Variants in CHODL observed in about 807,000 individuals in gnomAD.
CHODL encodes the protein chondrolectin.
In CHODL, 29 loss-of-function variants were observed where a neutral mutation model predicts 34.5. That is an observed-to-expected ratio of 0.84 (90% confidence interval 0.63 to 1.15). The LOEUF is 1.15. Ranked by LOEUF, CHODL falls within the 50% of genes most tolerant of loss-of-function variation. The probability of loss-of-function intolerance (pLI) is 0.00; values close to 1 mark genes in which losing one functional copy is unlikely to be tolerated. For missense variants in CHODL, 332 were observed against 332.5 expected, an observed-to-expected ratio of 1.00 and a Z score of 0.01; for synonymous variants, 125 against 116.1, an observed-to-expected ratio of 1.08 and a Z score of -0.49.
intron 1 of CHODL, among the ~76,000 whole-genome samples, chr21:17,962,185 T>C (rs1055552452): frequency 9.2e-5 from 14 of 152,230 alleles, no homozygotes; most frequent in African/African-American, 3.1e-4. Flanking sequence ...CTCAAACATA[T>C]GGAATCAAGA....
Position 18,245,238 on chromosome 21 carries a change from C to G in CHODL, c.15C>G (p.Val5=). The change falls in exon 1 of 6, where the codon GTC becomes GTG. Residue 5 remains valine, a synonymous_variant. Coordinates refer to ENST00000299295, the MANE Select transcript of CHODL (RefSeq NM_024944.3). The part of the protein sequence containing the change: MSRV[V]SLLLGAALLC... ...ACCGCGCCGCGATGAGCCGCGTGGT[C>G]TCGCTGCTGCTGGGCGCCGCGCTGC... is the stretch of plus-strand genomic sequence containing the variant. 8 of 1,518,568 alleles carry G rather than the reference C, an allele frequency of 5.3e-6. No individual in the cohort carries two copies. Among genetic ancestry groups the G allele is most frequent in the Non-Finnish European group, 7.0e-6 (8 of 1,140,170 alleles). The allele number at this position is 1,518,568 out of a possible 1,614,324, so 94.1% of individuals were successfully genotyped here. A position where few individuals can be genotyped will look rare whatever the true frequency, so the allele number is the denominator to read the frequency against.
At chr21:18,218,520 A>T (rs1433249581) in intron 2 of CHODL, among the ~76,000 whole-genome samples, 1 of 152,138 alleles carries the variant, frequency 6.6e-6, no homozygotes, top group African/African-American at 2.4e-5. Flanking sequence ...ATGATGAGAG[A>T]GGCTGCCACA....
intron 2 of CHODL, among the ~76,000 whole-genome samples, chr21:18,060,507 G>A (rs2064647818): frequency 6.6e-6 from 1 of 151,562 alleles, no homozygotes; most frequent in Admixed American, 6.6e-5. Context: ...CCTTAATCTA[G>A]AGGTAGTGAT....
Position 18,195,407 on chromosome 21 carries a change from T to G in CHODL, c.-44-61102T>G, listed in dbSNP as rs944678324. 2.0e-5 allele frequency among the ~76,000 whole-genome samples: 3 copies of G among 152,128 alleles called. No individual in the cohort carries two copies. The East Asian group carries it at 5.8e-4, about 29-fold the overall frequency. Reference sequence around the variant, plus strand: ...ATGCTATATAGTAGATCTCCTGAACTCATTTCTCCTTTCTAACTGAAACTT... The same window carrying G: ...ATGCTATATAGTAGATCTCCTGAACGCATTTCTCCTTTCTAACTGAAACTT... On this transcript the variant is annotated intron_variant, in intron 2 of 6. Transcript: ENST00000400127.
chr21:18,181,516 C>G (rs1022166912), intron 2 of CHODL, among the ~76,000 whole-genome samples: 3 of 152,210 alleles, frequency 2.0e-5, no homozygotes, highest in Non-Finnish European at 4.4e-5. Flanking sequence ...CATTCTCCTG[C>G]CTCAGCCTCC....
intron 2 of CHODL, among the ~76,000 whole-genome samples, chr21:18,116,917 A>C (rs2065420234): frequency 6.6e-6 from 1 of 152,190 alleles, no homozygotes; most frequent in African/African-American, 2.4e-5. Context: ...AACAAGTTGG[A>C]GCACCAAGGG....
intron 1 of CHODL, among the ~76,000 whole-genome samples, chr21:18,249,043 T>TATAA (rs1819994178): frequency 8.5e-6 from 1 of 117,872 alleles, no homozygotes; most frequent in African/African-American, 3.6e-5. Flanking sequence ...ATATATAATA[T>TATAA]TATATATATT....
intron 2 of CHODL, among the ~76,000 whole-genome samples, chr21:18,145,646 G>A (rs1256480330): frequency 6.6e-6 from 1 of 152,092 alleles, no homozygotes; most frequent in Non-Finnish European, 1.5e-5. Context: ...TTGATATCCT[G>A]TCAAGTGTTT....
chr21:17,984,504 A>G (rs919529245), intron 1 of CHODL, among the ~76,000 whole-genome samples: 9 of 152,050 alleles, frequency 5.9e-5, no homozygotes, highest in Non-Finnish European at 1.2e-4. Flanking sequence ...TTAACCCTTT[A>G]TGAAAATATA....
chr21:18,002,920 G>A (rs1288168156), intron 1 of CHODL, among the ~76,000 whole-genome samples: 2 of 151,992 alleles, frequency 1.3e-5, no homozygotes, highest in East Asian at 1.9e-4. Context: ...TCAGGAGATC[G>A]AGACCATCCG....
upstream of CHODL, among the ~76,000 whole-genome samples, chr21:18,241,660 G>T (rs185115235): frequency 6.6e-6 from 1 of 152,128 alleles, no homozygotes; most frequent in Non-Finnish European, 1.5e-5. Context: ...ATTGATGGGC[G>T]CATGAAGCAG....
intron 1 of CHODL, among the ~76,000 whole-genome samples, chr21:17,944,751 T>C (rs2063392023): frequency 6.6e-6 from 1 of 152,236 alleles, no homozygotes; most frequent in Non-Finnish European, 1.5e-5. Flanking sequence ...TCTGCTTCCC[T>C]GAGGTCATCA....
chr21:18,020,756 A>T (rs1162149022), intron 1 of CHODL, among the ~76,000 whole-genome samples: 2 of 152,106 alleles, frequency 1.3e-5, no homozygotes, highest in Non-Finnish European at 2.9e-5. Context: ...GGAAATAATT[A>T]ATGTTTAAAT....
chr21:18,252,820 C>G (rs1017049964), intron 1 of CHODL, among the ~76,000 whole-genome samples: 20 of 152,092 alleles, frequency 1.3e-4, no homozygotes, highest in Admixed American at 2.6e-4. Flanking sequence ...GGGCTGCTGT[C>G]TTGATGCCCT....
intron 1 of CHODL, among the ~76,000 whole-genome samples, chr21:18,253,577 A>T (rs2074282793): frequency 6.6e-6 from 1 of 152,128 alleles, no homozygotes; most frequent in Admixed American, 6.6e-5. Flanking sequence ...TTAGGCTCTG[A>T]CTGAGAACAA....
intron 1 of CHODL, among the ~76,000 whole-genome samples, chr21:17,974,510 T>C (rs1228278222): frequency 1.3e-5 from 2 of 152,154 alleles, no homozygotes; most frequent in African/African-American, 4.8e-5. Context: ...GACCTCATGA[T>C]CTGTCTGCCT....
rs777758374 is a variant in CHODL, at chr21:18,222,137, C to A, written c.-44-34372C>A. Among the ~76,000 whole-genome samples the A allele has an allele frequency of 2.0e-5, 3 of 152,216 alleles. No homozygotes were observed. In the Middle Eastern group the frequency reaches 0.01, roughly 518 times the overall value. On this transcript the variant is annotated intron_variant, in intron 2 of 6. Transcript: ENST00000400127. Reference sequence around the variant, plus strand: ...GTAGGTTTGCTTTTGGTGGTAGTGGCCTCAGGTTGGTGGCTTTCAGGCTTT... The same window carrying A: ...GTAGGTTTGCTTTTGGTGGTAGTGGACTCAGGTTGGTGGCTTTCAGGCTTT...
At chr21:18,001,796 T>A (rs200613342) in intron 1 of CHODL, among the ~76,000 whole-genome samples, 7 of 144,644 alleles carry the variant, frequency 4.8e-5, no homozygotes, top group East Asian at 3.9e-4. Context: ...TTTTTTTTTT[T>A]AATTTCCCAC....
At chr21:17,994,011 T>C (rs2063824084) in intron 1 of CHODL, among the ~76,000 whole-genome samples, 1 of 152,190 alleles carries the variant, frequency 6.6e-6, no homozygotes, top group East Asian at 1.9e-4. Flanking sequence ...TTTTCTTGGT[T>C]AGTTCAGCTA....
Sources: gnomAD v4.1 joint callset for allele counts (sites outside exome capture counted in the v4.1 genomes callset) on GRCh38, gnomAD v4.1.1 for gene constraint, MANE v1.5 for transcripts, NCBI Gene and HGNC (gene_info 2026-07-23, HGNC 2026-07-21) for gene names.